The following CCSER1 variants were observed in gnomAD, a reference collection of about 807,000 sequenced individuals.
The protein encoded by CCSER1 is serine-rich coiled-coil domain-containing protein 1.
In CCSER1, 41 loss-of-function variants were observed where a neutral mutation model predicts 82.0. The ratio of observed to expected loss-of-function variants is 0.50; its 90% CI spans 0.39 to 0.65. CCSER1 has a LOEUF of 0.65. Ranked by LOEUF, CCSER1 falls within the 30% of genes least tolerant of loss-of-function variation. CCSER1 has a pLI of 0.00. For synonymous variants in CCSER1, 414 were observed against 383.9 expected (o/e 1.08, Z -0.92); for missense variants, 1,119 against 1,064.2 (o/e 1.05, Z -0.72).
intron 4 of CCSER1, among the ~76,000 whole-genome samples, chr4:90,452,059 T>C (rs990101991): frequency 1.3e-5 from 2 of 152,062 alleles, no homozygotes; most frequent in African/African-American, 4.8e-5. Flanking sequence ...AATTAGCTCA[T>C]CTAGTTGAGT....
chr4:90,639,909 G>A (rs1726169643), intron 6 of CCSER1, among the ~76,000 whole-genome samples: 1 of 152,082 alleles, frequency 6.6e-6, no homozygotes, highest in Admixed American at 6.6e-5. Flanking sequence ...TCTATTTAAA[G>A]TTATGGAAGA....
chr4:91,086,036 A>G, intron 10 of CCSER1, 42 bp downstream of exon 10: 1 of 1,213,542 alleles, frequency 8.2e-7, no homozygotes, highest in Non-Finnish European at 1.2e-6. Context: ...AAGAGGAAAC[A>G]TGGCTATGGT....
chr4:90,239,465 T>C (rs1239784706), intron 1 of CCSER1, among the ~76,000 whole-genome samples: 1 of 152,166 alleles, frequency 6.6e-6, no homozygotes, highest in African/African-American at 2.4e-5. Context: ...GATACTGTAA[T>C]GTGTAGTCAA....
At chr4:90,789,297 T>G (rs1019908823) in intron 7 of CCSER1, among the ~76,000 whole-genome samples, 1 of 152,320 alleles carries the variant, frequency 6.6e-6, no homozygotes, top group East Asian at 1.9e-4. Flanking sequence ...ACTCTCCTTC[T>G]TAAATTTGTT....
rs1008015113 is a variant in CCSER1 at position 91,153,713 on chromosome 4, G to T, written c.2217+67719G>T. Among the ~76,000 whole-genome samples the T allele has an allele frequency of 2.6e-5, 4 of 151,932 alleles. 1 individual carries two copies. The highest frequency in any genetic ancestry group is 5.9e-5 in the Non-Finnish European group (4 of 67,916). ...GGTGTGGATGTCCTTTCTGTTTGTT[G>T]ATTTTCCTTCTAACAGTGAAGACCG... On this transcript the variant is annotated intron_variant, in intron 10 of 10. Coordinates refer to ENST00000509176, the MANE Select transcript of CCSER1 (RefSeq NM_001145065.2).
At position 91,129,361 on chromosome 4, in the gene CCSER1, A is replaced by G. The variant is rs145450968; in HGVS notation, c.2217+43367A>G. Among the ~76,000 whole-genome samples the G allele has an allele frequency of 5.1e-3, 772 of 152,144 alleles. 6 individuals are homozygous for G. The highest frequency in any genetic ancestry group is 0.017 in the African/African-American group (726 of 41,512). On this transcript the variant is annotated intron_variant, in intron 10 of 10. Coordinates refer to ENST00000509176, the MANE Select transcript of CCSER1 (RefSeq NM_001145065.2). ...CCCCCCAACATGAGGCTACCACCTG[A>G]TACCTGAACAAAATCAGGGTTGTGT...
At chr4:90,739,560 G>T (rs781262092) in intron 7 of CCSER1, among the ~76,000 whole-genome samples, 1 of 152,166 alleles carries the variant, frequency 6.6e-6, no homozygotes, top group African/African-American at 2.4e-5. Context: ...TTGTGGGCTA[G>T]ACTGCATTTC....
chr4:91,443,953 A>T (rs1361392413), intron 10 of CCSER1, among the ~76,000 whole-genome samples: 1 of 151,916 alleles, frequency 6.6e-6, no homozygotes, highest in Non-Finnish European at 1.5e-5. Flanking sequence ...ATCTGAGGAG[A>T]GCTACTTACT....
chr4:90,343,623 AAAACG>A (rs994108341), intron 3 of CCSER1, among the ~76,000 whole-genome samples: 6 of 152,258 alleles, frequency 3.9e-5, no homozygotes, highest in African/African-American at 9.6e-5. Context: ...CCCAAAAAAC[AAAACG>A]AAACAAAACA....
At chr4:90,512,374 C>T (rs1384865382) in intron 5 of CCSER1, among the ~76,000 whole-genome samples, 1 of 148,572 alleles carries the variant, frequency 6.7e-6, no homozygotes, top group Non-Finnish European at 1.5e-5. Flanking sequence ...TTTATAAATT[C>T]TTTGATTTTA....
At chr4:91,090,041 CGT>C (rs1723788198) in intron 10 of CCSER1, among the ~76,000 whole-genome samples, 1 of 152,120 alleles carries the variant, frequency 6.6e-6, no homozygotes, top group South Asian at 2.1e-4. Flanking sequence ...AGCTTGCAAC[CGT>C]ATGATTCAGT....
chr4:90,526,686 T>G (rs1474448519), intron 5 of CCSER1, among the ~76,000 whole-genome samples: 1 of 152,272 alleles, frequency 6.6e-6, no homozygotes, highest in African/African-American at 2.4e-5. Flanking sequence ...CTGTGTCCCT[T>G]CAAAAGACAT....
chr4:90,389,323 C>T (rs537254643), intron 3 of CCSER1, among the ~76,000 whole-genome samples: 1 of 152,160 alleles, frequency 6.6e-6, no homozygotes, highest in African/African-American at 2.4e-5. Flanking sequence ...AATGCTAAGA[C>T]AACTAAGCAA....
intron 7 of CCSER1, among the ~76,000 whole-genome samples, chr4:90,770,224 T>A (rs1213657852): frequency 6.6e-6 from 1 of 152,156 alleles, no homozygotes; most frequent in Non-Finnish European, 1.5e-5. Flanking sequence ...AAGAGACCTT[T>A]AGTTACAAGA....
At chr4:90,529,383 C>G (rs1356337151) in intron 5 of CCSER1, among the ~76,000 whole-genome samples, 1 of 152,038 alleles carries the variant, frequency 6.6e-6, no homozygotes, top group Non-Finnish European at 1.5e-5. Context: ...ACGCATTTCA[C>G]TATGCCTGGC....
chr4:91,508,637 T>C (rs1759658916), intron 10 of CCSER1, among the ~76,000 whole-genome samples: 1 of 151,814 alleles, frequency 6.6e-6, no homozygotes, highest in Non-Finnish European at 1.5e-5. Flanking sequence ...TTTTGAAGGA[T>C]TTATTCCTAT....
chr4:90,344,366 G>C (rs1741951465), intron 3 of CCSER1, among the ~76,000 whole-genome samples: 1 of 152,036 alleles, frequency 6.6e-6, no homozygotes, highest in African/African-American at 2.4e-5. Context: ...CTAAAGTGCT[G>C]TGTTCTGCAC....
intron 10 of CCSER1, among the ~76,000 whole-genome samples, chr4:91,505,516 C>A (rs916837421): frequency 6.6e-6 from 1 of 152,172 alleles, no homozygotes; most frequent in Non-Finnish European, 1.5e-5. Flanking sequence ...TGAGGAATTA[C>A]CACACTATCT....
chr4:90,956,738 T>A (rs967912813), intron 9 of CCSER1, among the ~76,000 whole-genome samples: 3 of 151,604 alleles, frequency 2.0e-5, no homozygotes, highest in Admixed American at 2.0e-4. Flanking sequence ...CAGAACTCCA[T>A]CTGATATTCT....
Sources: gnomAD v4.1 joint callset for allele counts (sites outside exome capture counted in the v4.1 genomes callset) on GRCh38, gnomAD v4.1.1 for gene constraint, MANE v1.5 for transcripts, NCBI Gene and HGNC (gene_info 2026-07-23, HGNC 2026-07-21) for gene names.